Variants in YLPM1 observed in about 807,000 individuals in gnomAD.
YLPM1 encodes YLP motif containing 1.
Under a neutral mutation model 230.0 loss-of-function variants are expected in YLPM1, and 99 were observed. That is an observed-to-expected ratio of 0.43 (90% CI 0.37 to 0.51). The LOEUF is 0.51. Among genes scored for constraint, YLPM1 ranks in the 20% least tolerant of loss-of-function variants. YLPM1 has a pLI of 0.00. For synonymous variants in YLPM1, 984 were observed against 942.5 expected, an observed-to-expected ratio of 1.04 and a Z score of -0.81; for missense variants, 2,592 against 2,707.7, an observed-to-expected ratio of 0.96 and a Z score of 0.95.
chr14:74,798,498 T>C lies in YLPM1; in HGVS notation c.3201T>C (p.Asp1067=), dbSNP rs370679344. The change falls in exon 5 of 21, where the codon GAT becomes GAC. Residue 1067 remains aspartate, a synonymous_variant. Transcript: ENST00000325680. ...FRDKMMGRRE[D]SREKMNRGEG... is the part of the protein sequence containing the mutation. ...ATAAGATGATGGGTAGAAGAGAAGA[T>C]AGTCGAGAGAAGATGAACAGAGGAG... The C allele has an allele frequency of 3.7e-5, 59 of 1,613,448 alleles. No homozygotes were observed. In the Middle Eastern group the frequency reaches 2.0e-3, roughly 54 times the overall value.
chr14:74,766,121 T>C (rs1429790478), intron 1 of YLPM1, among the ~76,000 whole-genome samples: 1 of 152,196 alleles, frequency 6.6e-6, no homozygotes, highest in African/African-American at 2.4e-5. Flanking sequence ...ACAGGAATTA[T>C]CTTACTTATC....
chr14:74,787,466 G>T (rs1490328000), intron 4 of YLPM1, among the ~76,000 whole-genome samples: 1 of 152,004 alleles, frequency 6.6e-6, no homozygotes, highest in Admixed American at 6.6e-5. Context: ...GGGAGGCCGA[G>T]GCACAAGAAT....
intron 1 of YLPM1, 23 bp downstream of exon 1, chr14:74,764,385 C>T (rs1378931868): frequency 3.2e-6 from 5 of 1,571,920 alleles, no homozygotes; most frequent in Non-Finnish European, 4.3e-6. Flanking sequence ...CTGCCTGAAC[C>T]TCATCTTTCA....
intron 18 of YLPM1, among the ~76,000 whole-genome samples, chr14:74,825,934 G>C (rs1193150424): frequency 2.0e-5 from 3 of 151,974 alleles, no homozygotes; most frequent in African/African-American, 7.3e-5. Context: ...GTATTTCTTG[G>C]AATTTCTGGA....
intron 4 of YLPM1, among the ~76,000 whole-genome samples, chr14:74,787,379 A>G (rs2091160218): frequency 6.6e-6 from 1 of 152,106 alleles, no homozygotes; most frequent in African/African-American, 2.4e-5. Context: ...CGTGGCCAAC[A>G]TGGTGAAGCC....
intron 6 of YLPM1, among the ~76,000 whole-genome samples, chr14:74,804,145 A>T (rs1422661302): frequency 6.6e-6 from 1 of 152,172 alleles, no homozygotes; most frequent in African/African-American, 2.4e-5. Context: ...CAACGGGCGA[A>T]ACTCCATCTC....
Position 74,798,416 on chromosome 14 carries a change from G to A in YLPM1, c.3119G>A (p.Gly1040Asp), listed in dbSNP as rs775983312. ...DTRDKGLVNR[G>D]RGQAISRGPG... ...CGGGATAAAGGTCTAGTAAACAGAG[G>A]TCGCGGCCAGGCAATCAGTCGAGGC... is the stretch of plus-strand genomic sequence containing the variant. Residue 1040 changes from glycine to aspartate, a missense_variant, in exon 5 of 21, where the codon GGT (glycine) becomes GAT (aspartate). Around this residue, in one of 4 missense-constraint regions of YLPM1, gnomAD observed 1,862 missense variants for 1,819.8 expected, o/e 1.02. Coordinates refer to ENST00000325680, the MANE Select transcript of YLPM1 (RefSeq NM_019589.3). 2 of 1,613,876 alleles carry A rather than the reference G, an allele frequency of 1.2e-6. No individual in the cohort carries two copies. Among genetic ancestry groups the A allele is most frequent in the Admixed American group, 1.7e-5 (1 of 60,010 alleles).
intron 4 of YLPM1, among the ~76,000 whole-genome samples, chr14:74,789,923 C>CTTT (rs539251580): frequency 5.6e-4 from 80 of 142,932 alleles, no homozygotes; most frequent in African/African-American, 2.0e-3. Flanking sequence ...CATGTGCAGC[C>CTTT]TTTTTTTTTT....
rs138645902 is a variant in YLPM1 at position 74,791,337 on chromosome 14, T to C, written c.2283-6243T>C. On this transcript the variant is annotated intron_variant, in intron 4 of 20. Transcript: ENST00000325680. Reference sequence around the variant, plus strand: ...TTATATGTAGTGTTGAAAGTGTATTTCAAATGGTTTCAACAATTTCTGGCC... The same window carrying C: ...TTATATGTAGTGTTGAAAGTGTATTCCAAATGGTTTCAACAATTTCTGGCC... Among the ~76,000 whole-genome samples, 113 of 152,350 alleles carry C rather than the reference T, an allele frequency of 7.4e-4. No individual in the cohort carries two copies. In the East Asian group the frequency reaches 0.019, roughly 26 times the overall value.
At chr14:74,776,200 TTTTC>T (rs1203472508) in intron 1 of YLPM1, among the ~76,000 whole-genome samples, 1 of 152,160 alleles carries the variant, frequency 6.6e-6, no homozygotes, top group Non-Finnish European at 1.5e-5. Context: ...GTGTAGTCAG[TTTTC>T]TTTATTTGAG....
intron 10 of YLPM1, 48 bp downstream of exon 10, chr14:74,811,786 TGGGAG>T: frequency 1.2e-5 from 15 of 1,272,772 alleles, no homozygotes; most frequent in Non-Finnish European, 1.6e-5. Flanking sequence ...ATGTAAAGCA[TGGGAG>T]ATGCTTTCCA....
chr14:74,781,268 A>G, intron 3 of YLPM1, 66 bp from the exon 4 acceptor site: 1 of 1,440,410 alleles, frequency 6.9e-7, no homozygotes, highest in Non-Finnish European at 9.2e-7. Flanking sequence ...ATTCATTAAT[A>G]TTTTAACCTA....
intron 1 of YLPM1, among the ~76,000 whole-genome samples, chr14:74,769,259 C>CTTTTTTTTTTTTTTTTTTTTTT (rs34023289): frequency 7.8e-5 from 3 of 38,410 alleles, no homozygotes; most frequent in Non-Finnish European, 1.1e-4. Flanking sequence ...GTATTTTTAT[C>CTTTTTTTTTTTTTTTTTTTTTT]TTTTTTTTTT....
intron 6 of YLPM1, among the ~76,000 whole-genome samples, chr14:74,804,535 A>G (rs1305065451): frequency 6.6e-6 from 1 of 152,204 alleles, no homozygotes; most frequent in Non-Finnish European, 1.5e-5. Flanking sequence ...GTTGTTCTCT[A>G]AGCCTAGAGT....
At chr14:74,797,473 ATTG>A (rs1358095640) in intron 4 of YLPM1, 104 bp from the exon 5 acceptor site, 4 of 950,066 alleles carry the variant, frequency 4.2e-6, no homozygotes, top group Non-Finnish European at 4.5e-6. Context: ...GAAAAGAGTC[ATTG>A]TTGTAAACAA....
At chr14:74,802,355 TTA>T (rs1227730266) in intron 5 of YLPM1, among the ~76,000 whole-genome samples, 199 bp from the exon 6 acceptor site, 3 of 152,278 alleles carry the variant, frequency 2.0e-5, no homozygotes, top group African/African-American at 7.2e-5. Context: ...TTATAATTAT[TTA>T]TATGTCTTAA....
chr14:74,763,321 C>G lies in YLPM1; in HGVS notation c.-169C>G. On this transcript the variant is annotated 5_prime_UTR_variant, in exon 1 of 21. Transcript: ENST00000325680. ...CGCCCAAGTCGCGTCCCCGCCTTCC[C>G]GGTCGCGGGCCCAGCTCGGGAGCGC... 1.4e-6 allele frequency: 1 copy of G among 716,106 alleles called. No individual in the cohort carries two copies. Among genetic ancestry groups the G allele is most frequent in the South Asian group, 4.8e-5 (1 of 20,956 alleles). The allele number at this position is 716,106 out of a possible 1,614,324, so 44.4% of individuals were successfully genotyped here. A position where few individuals can be genotyped will look rare whatever the true frequency, so the allele number is the denominator to read the frequency against.
chr14:74,819,550 C>T (rs1323055458), intron 16 of YLPM1, among the ~76,000 whole-genome samples: 1 of 152,188 alleles, frequency 6.6e-6, no homozygotes, highest in Non-Finnish European at 1.5e-5. Flanking sequence ...GCTGGGATTA[C>T]AGACGTGAGC....
intron 17 of YLPM1, chr14:74,821,467 G>T: frequency 5.7e-6 from 1 of 176,920 alleles, no homozygotes; most frequent in Non-Finnish European, 1.2e-5. Context: ...CAGATATGTG[G>T]CACAGCCTAC....
Sources: allele counts gnomAD v4.1 joint callset (sites outside exome capture counted in the v4.1 genomes callset), GRCh38; gene constraint gnomAD v4.1.1; regional missense constraint gnomAD v4.1.1; transcripts MANE v1.5; gene names NCBI Gene and HGNC (gene_info 2026-07-23, HGNC 2026-07-21).